KIFC3: variants seen among roughly 807,000 people sequenced by gnomAD.
KIFC3 encodes the protein kinesin family member C3.
Under a neutral mutation model 101.8 loss-of-function variants are expected in KIFC3, and 60 were observed. The ratio of observed to expected loss-of-function variants is 0.59; its 90% CI spans 0.48 to 0.73. The LOEUF is 0.73. Among genes scored for constraint, KIFC3 ranks in the 30% least tolerant of loss-of-function variants. The pLI, the probability that KIFC3 is intolerant of heterozygous loss-of-function variation, is 0.00. For synonymous variants in KIFC3, 476 were observed against 482.7 expected (o/e 0.99, Z 0.18); for missense variants, 966 against 1,137.1 (o/e 0.85, Z 2.16).
At chr16:57,772,970 T>C (rs781786316) in intron 3 of KIFC3, among the ~76,000 whole-genome samples, 51 of 152,206 alleles carry the variant, frequency 3.4e-4, no homozygotes, top group Non-Finnish European at 5.9e-4. Flanking sequence ...GACACCATCA[T>C]GGTGCCAGTC....
rs1555621390 is a variant in KIFC3, at chr16:57,793,751, C to G, written c.315+1248G>C. On this transcript the variant is annotated intron_variant, in intron 3 of 19. Transcript: ENST00000445690. ...GGCTGAGGTAGGAGAATCACTTGAA[C>G]CCGGGAGGCGGATATTACAGCCAAG... 2.0e-5 allele frequency among the ~76,000 whole-genome samples: 3 copies of G among 150,102 alleles called. No individual in the cohort carries two copies. The South Asian group carries it at 6.4e-4, about 32-fold the overall frequency.
At chr16:57,834,582 G>A (rs1430277313) in intron 1 of KIFC3, among the ~76,000 whole-genome samples, 1 of 152,070 alleles carries the variant, frequency 6.6e-6, no homozygotes, top group Non-Finnish European at 1.5e-5. Flanking sequence ...TACCATTATG[G>A]CTCACTGTAG....
At chr16:57,782,994 A>C (rs1555615658) in intron 3 of KIFC3, among the ~76,000 whole-genome samples, 1 of 152,248 alleles carries the variant, frequency 6.6e-6, no homozygotes, top group South Asian at 2.1e-4. Flanking sequence ...GAGAACAAAG[A>C]CCAGGAACCA....
intron 1 of KIFC3, among the ~76,000 whole-genome samples, chr16:57,844,654 C>T (rs2055881535): frequency 6.6e-6 from 1 of 152,094 alleles, no homozygotes; most frequent in South Asian, 2.1e-4. Flanking sequence ...CCACTCTCCC[C>T]ACCGCCCCCT....
At chr16:57,851,712 C>A (rs247050) in intron 1 of KIFC3, among the ~76,000 whole-genome samples, 127,130 of 151,140 alleles carry the variant, frequency 0.84, 53,550 homozygotes, top group East Asian at 0.98. Context: ...GATTACAGGC[C>A]TGCACCACCA....
chr16:57,767,399 C>T (rs1280843986), intron 9 of KIFC3, among the ~76,000 whole-genome samples: 2 of 152,146 alleles, frequency 1.3e-5, no homozygotes, highest in African/African-American at 4.8e-5. Flanking sequence ...CCATCTAACT[C>T]ATGAATCTGT....
intron 1 of KIFC3, among the ~76,000 whole-genome samples, chr16:57,854,510 TC>T (rs2056123779): frequency 6.6e-6 from 1 of 151,806 alleles, no homozygotes; most frequent in Non-Finnish European, 1.5e-5. Flanking sequence ...CACCTGTAGT[TC>T]CAGCTACTTG....
chr16:57,773,756 G>A (rs2051618695), intron 3 of KIFC3: 2 of 152,218 alleles, frequency 1.3e-5, no homozygotes, highest in South Asian at 4.1e-4. Context: ...GGGGGTGTGT[G>A]TAAAATCTCC....
At chr16:57,785,728 G>T (rs1487115426) in intron 3 of KIFC3, 7 of 1,020,916 alleles carry the variant, frequency 6.9e-6, no homozygotes, top group African/African-American at 5.1e-5. Context: ...AGAGGAGGGG[G>T]TCCATCACAG....
intron 1 of KIFC3, among the ~76,000 whole-genome samples, chr16:57,860,568 A>G (rs759226081): frequency 7.2e-5 from 11 of 152,208 alleles, no homozygotes; most frequent in Admixed American, 4.6e-4. Context: ...AGACCCCAAG[A>G]GTGGGCTCTT....
At chr16:57,789,036 G>C (rs1403585929) in intron 3 of KIFC3, among the ~76,000 whole-genome samples, 1 of 152,236 alleles carries the variant, frequency 6.6e-6, no homozygotes, top group Non-Finnish European at 1.5e-5. Flanking sequence ...CACCAGCACA[G>C]AGGCTGGCTT....
In KIFC3 at chr16:57,790,054, T is replaced by TTTTCTTTCTTTC. The variant is rs1238116970; in HGVS notation, c.315+4933_315+4944dup. 3.8e-4 allele frequency among the ~76,000 whole-genome samples: 45 copies of TTTTCTTTCTTTC among 119,068 alleles called. 4 individuals are homozygous for TTTTCTTTCTTTC. Among genetic ancestry groups the TTTTCTTTCTTTC allele is most frequent in the East Asian group, 1.1e-3 (5 of 4,434 alleles). The allele number at this position is 119,068 out of a possible 152,430, so 78.1% of individuals were successfully genotyped here. On this transcript the variant is annotated intron_variant, in intron 3 of 19. Transcript: ENST00000445690. ...GCCTGGCCATTTTTTTTTGCTTTCT[T>TTTTCTTTCTTTC]TTTCTTTCTTTCTTTCTTTCTTTCT...
intron 1 of KIFC3, among the ~76,000 whole-genome samples, chr16:57,843,081 C>T (rs1446565895): frequency 6.6e-6 from 1 of 151,156 alleles, no homozygotes; most frequent in African/African-American, 2.4e-5. Context: ...TACAGTGAGC[C>T]GAGATCACAC....
At chr16:57,782,146 C>T (rs936998319) in intron 3 of KIFC3, 19 of 985,348 alleles carry the variant, frequency 1.9e-5, no homozygotes, top group South Asian at 9.4e-5. Context: ...TGACAGCTCA[C>T]GATGCACCAC....
chr16:57,764,085 G>T, intron 12 of KIFC3, 58 bp downstream of exon 12: 1 of 1,226,766 alleles, frequency 8.2e-7, no homozygotes, highest in Non-Finnish European at 1.2e-6. Flanking sequence ...ACCAATGAGG[G>T]AGCCCGCATT....
upstream of KIFC3, among the ~76,000 whole-genome samples, chr16:57,805,291 G>A (rs1353029047): frequency 5.3e-5 from 8 of 152,024 alleles, no homozygotes; most frequent in Admixed American, 5.2e-4. Context: ...CCCAGTTGTT[G>A]GAATTTAAGA....
chr16:57,820,396 T>C (rs988715532), intron 1 of KIFC3, among the ~76,000 whole-genome samples: 23 of 152,230 alleles, frequency 1.5e-4, no homozygotes, highest in Non-Finnish European at 2.9e-5. Flanking sequence ...CACCTCAGCC[T>C]TCTGAGTAGC....
At position 57,842,024 on chromosome 16, in the gene KIFC3, C is replaced by G. The variant is rs191846783; in HGVS notation, c.108+20705G>C. ...CCGGCCATCTCCTGCCTTCTCCCTG[C>G]GTTTGAATCTCCTCATGCTTCCTTA... On this transcript the variant is annotated intron_variant, in intron 1 of 2. Coordinates refer to the KIFC3 transcript ENST00000563028. 3.7e-4 allele frequency among the ~76,000 whole-genome samples: 56 copies of G among 152,168 alleles called. 1 individual carries two copies. In the South Asian group the frequency reaches 0.01, roughly 28 times the overall value.
chr16:57,857,509 C>T (rs1385124044), intron 1 of KIFC3, among the ~76,000 whole-genome samples: 1 of 151,806 alleles, frequency 6.6e-6, no homozygotes, highest in Non-Finnish European at 1.5e-5. Flanking sequence ...AACCCGTCAT[C>T]TCCATTAGGT....
Sources: allele counts gnomAD v4.1 joint callset (sites outside exome capture counted in the v4.1 genomes callset), GRCh38; gene constraint gnomAD v4.1.1; transcripts MANE v1.5; gene names NCBI Gene and HGNC (gene_info 2026-07-23, HGNC 2026-07-21).